Variants in SPRED1 observed in about 807,000 individuals in gnomAD.
SPRED1 encodes sprouty-related, EVH1 domain-containing protein 1.
A neutral mutation model predicts 52.3 loss-of-function variants in SPRED1; 18 were observed. The ratio of observed to expected loss-of-function variants is 0.34; its 90% CI spans 0.24 to 0.51. The LOEUF is 0.51. Among genes scored for constraint, SPRED1 ranks in the 20% least tolerant of loss-of-function variants. The pLI is 0.97. For synonymous variants in SPRED1, 155 were observed against 179.7 expected (o/e 0.86, Z 1.10); for missense variants, 485 against 551.0 (o/e 0.88, Z 1.20).
intron 1 of SPRED1, among the ~76,000 whole-genome samples, chr15:38,261,548 A>T (rs958517623): frequency 1.3e-5 from 2 of 152,172 alleles, no homozygotes; most frequent in African/African-American, 4.8e-5. Context: ...GACAGGAGTT[A>T]TAATTTGTTT....
At chr15:38,325,596 T>C (rs926892780) in intron 4 of SPRED1, among the ~76,000 whole-genome samples, 7 of 152,162 alleles carry the variant, frequency 4.6e-5, no homozygotes, top group Admixed American at 3.3e-4. Context: ...TCAATCTTTT[T>C]TCTTATGCCT....
At chr15:38,289,905 T>C (rs1218648201) in intron 1 of SPRED1, among the ~76,000 whole-genome samples, 1 of 152,200 alleles carries the variant, frequency 6.6e-6, no homozygotes, top group Non-Finnish European at 1.5e-5. Flanking sequence ...GCTAAGTTTG[T>C]GGTAGTTGTT....
At chr15:38,304,675 G>C (rs893087677) in intron 2 of SPRED1, among the ~76,000 whole-genome samples, 4 of 152,084 alleles carry the variant, frequency 2.6e-5, no homozygotes, top group Non-Finnish European at 5.9e-5. Flanking sequence ...TTTCTTTGCA[G>C]TCTCGACCTT....
intron 5 of SPRED1, 79 bp downstream of exon 5, chr15:38,339,974 A>G (rs1895998246): frequency 1.9e-6 from 3 of 1,553,704 alleles, no homozygotes; most frequent in Non-Finnish European, 1.8e-6. Context: ...GGACGTTAAA[A>G]CCATCTGCCC....
At chr15:38,316,310 A>G (rs1273269678) in intron 2 of SPRED1, among the ~76,000 whole-genome samples, 3 of 151,950 alleles carry the variant, frequency 2.0e-5, no homozygotes, top group Admixed American at 6.6e-5. Flanking sequence ...GTTTATCTGT[A>G]TTTTCGTAAA....
At chr15:38,283,134 C>T (rs1246119199) in intron 1 of SPRED1, among the ~76,000 whole-genome samples, 4 of 152,070 alleles carry the variant, frequency 2.6e-5, no homozygotes, top group African/African-American at 9.7e-5. Context: ...TAGGAGGCCA[C>T]GGGAAACTTA....
chr15:38,340,264 A>G (rs763467103), intron 5 of SPRED1, among the ~76,000 whole-genome samples: 8 of 152,170 alleles, frequency 5.3e-5, no homozygotes, highest in Non-Finnish European at 1.0e-4. Context: ...CTACAGAACT[A>G]AATTTTTATT....
chr15:38,253,229 A>G lies in SPRED1; in HGVS notation c.32+12A>G, dbSNP rs202192533. On this transcript the variant is annotated intron_variant, in intron 1 of 6. Transcript: ENST00000299084. ...ACTTCTGACAACGAGTAAGCGCCTC[A>G]TTGATCTCGATTGCTAATCCCCCTC... The G allele has an allele frequency of 1.9e-6, 3 of 1,567,516 alleles. No homozygotes were observed. The highest frequency in any genetic ancestry group is 1.4e-5 in the African/African-American group (1 of 73,838).
intron 6 of SPRED1, among the ~76,000 whole-genome samples, chr15:38,350,656 G>A (rs1319584758): frequency 1.3e-5 from 2 of 152,122 alleles, no homozygotes; most frequent in Non-Finnish European, 2.9e-5. Context: ...TGGGTAAGTG[G>A]CTCATGCAAT....
At chr15:38,296,481 A>G (rs907574575) in intron 1 of SPRED1, among the ~76,000 whole-genome samples, 2 of 151,862 alleles carry the variant, frequency 1.3e-5, no homozygotes, top group African/African-American at 2.4e-5. Context: ...ACATGGTCCA[A>G]TACAACTGAG....
At chr15:38,263,509 C>T (rs1019209337) in intron 1 of SPRED1, among the ~76,000 whole-genome samples, 5 of 151,980 alleles carry the variant, frequency 3.3e-5, no homozygotes, top group South Asian at 4.2e-4. Context: ...AAAGAAGAGA[C>T]GCCAAAAGAC....
chr15:38,350,978 A>C (rs1888470014), intron 6 of SPRED1, 36 bp from the exon 7 acceptor site: 1 of 1,593,730 alleles, frequency 6.3e-7, no homozygotes, highest in East Asian at 2.3e-5. Context: ...TAACCATCAT[A>C]GCCCTCATTG....
At position 38,314,228 on chromosome 15, in the gene SPRED1, T is replaced by C. The variant is rs183413640; in HGVS notation, c.208-8013T>C. Among the ~76,000 whole-genome samples, 6 of 151,974 alleles carry C rather than the reference T, an allele frequency of 3.9e-5. No individual in the cohort carries two copies. In the East Asian group the frequency reaches 5.8e-4, roughly 15 times the overall value. ...TTTTAATGGTGATATTCAAATCTGC[T>C]TTATCTTTACTAATTTTGTGTCTAT... On this transcript the variant is annotated intron_variant, in intron 2 of 6. Transcript: ENST00000299084.
Position 38,316,748 on chromosome 15 carries a change from G to GGTTTTTTTTTTTTTTTTTTTTTTTTTTTT in SPRED1, c.208-5493_208-5492insGTTTTTTTTTTTTTTTTTTTTTTTTTTTT. 1.9e-4 allele frequency among the ~76,000 whole-genome samples: 8 copies of GGTTTTTTTTTTTTTTTTTTTTTTTTTTTT among 41,918 alleles called. 1 individual carries two copies. The highest frequency in any genetic ancestry group is 1.9e-4 in the African/African-American group (2 of 10,686). 27.5% of individuals were successfully genotyped at this position (41,918 alleles called of 152,430 possible). A position where few individuals can be genotyped will look rare whatever the true frequency, so the allele number is the denominator to read the frequency against. ...TCTAGTTTACAATTTTCCATTATATGTTTTTTTTTTTTTTTTTTTTTTTTG... is the reference window on the plus strand; with the variant it reads ...TCTAGTTTACAATTTTCCATTATATGGTTTTTTTTTTTTTTTTTTTTTTTTTTTTTTTTTTTTTTTTTTTTTTTTTTTTG... On this transcript the variant is annotated intron_variant, in intron 2 of 6. Transcript: ENST00000299084.
At chr15:38,268,579 TG>T (rs1894361369) in intron 1 of SPRED1, among the ~76,000 whole-genome samples, 1 of 152,008 alleles carries the variant, frequency 6.6e-6, no homozygotes, top group African/African-American at 2.4e-5. Flanking sequence ...ATGTAGGGGG[TG>T]GGGGAATAGC....
chr15:38,285,391 G>A (rs1004124360), intron 1 of SPRED1, among the ~76,000 whole-genome samples: 1 of 152,182 alleles, frequency 6.6e-6, no homozygotes, highest in African/African-American at 2.4e-5. Context: ...GGCAAATAGA[G>A]TGGAGATGAT....
At chr15:38,281,153 G>A (rs1894678835) in intron 1 of SPRED1, among the ~76,000 whole-genome samples, 1 of 152,164 alleles carries the variant, frequency 6.6e-6, no homozygotes. Context: ...AGAATCAGTG[G>A]ATGAAAGTAA....
chr15:38,342,010 A>G (rs73400417), intron 5 of SPRED1, among the ~76,000 whole-genome samples: 4,739 of 142,868 alleles, frequency 0.033, 124 homozygotes, highest in Middle Eastern at 0.053. Context: ...CTTTTAAACC[A>G]TATATAGTTG....
chr15:38,308,706 GATATGT>G (rs1269238248), intron 2 of SPRED1, among the ~76,000 whole-genome samples: 1 of 152,134 alleles, frequency 6.6e-6, no homozygotes. Flanking sequence ...AGTAGTCTGT[GATATGT>G]ATTTATATGA....
Sources: gnomAD v4.1 joint callset for allele counts (sites outside exome capture counted in the v4.1 genomes callset) on GRCh38, gnomAD v4.1.1 for gene constraint, MANE v1.5 for transcripts, NCBI Gene and HGNC (gene_info 2026-07-23, HGNC 2026-07-21) for gene names.